Variants in SETDB2 observed in about 807,000 individuals in gnomAD.
The protein encoded by SETDB2 is histone-lysine N-methyltransferase SETDB2.
In SETDB2, 56 loss-of-function variants were observed where a neutral mutation model predicts 82.5. The ratio of observed to expected loss-of-function variants is 0.68; its 90% CI spans 0.55 to 0.85. The LOEUF is 0.85. Ranked by LOEUF, SETDB2 falls within the 40% of genes least tolerant of loss-of-function variation. The pLI is 0.00. For missense variants in SETDB2, 677 were observed against 816.4 expected (o/e 0.83, Z 2.08); for synonymous variants, 272 against 284.9 (o/e 0.95, Z 0.46).
At chr13:49,455,994 A>T (rs1364923244) in intron 2 of SETDB2, among the ~76,000 whole-genome samples, 2 of 152,136 alleles carry the variant, frequency 1.3e-5, no homozygotes, top group African/African-American at 4.8e-5. Flanking sequence ...AACTTGATTC[A>T]TGCTAAGTCA....
intron 5 of SETDB2, among the ~76,000 whole-genome samples, chr13:49,474,101 A>G (rs1566167495): frequency 6.6e-6 from 1 of 152,194 alleles, no homozygotes; most frequent in Non-Finnish European, 1.5e-5. Context: ...GTCTGTACTA[A>G]AAATACAAAA....
At chr13:49,450,926 C>T (rs1210692523) in intron 1 of SETDB2, among the ~76,000 whole-genome samples, 3 of 149,802 alleles carry the variant, frequency 2.0e-5, no homozygotes, top group East Asian at 1.9e-4. Flanking sequence ...ATCTAAATAT[C>T]GAATATAGAG....
chr13:49,469,421 T>C (rs986862321), intron 5 of SETDB2, among the ~76,000 whole-genome samples: 5 of 152,234 alleles, frequency 3.3e-5, no homozygotes, highest in Admixed American at 1.3e-4. Context: ...TTCAGACTTA[T>C]TGAAAACGTT....
intron 8 of SETDB2, 60 bp downstream of exon 8, chr13:49,481,176 AT>A: frequency 6.6e-7 from 1 of 1,522,814 alleles, no homozygotes; most frequent in Non-Finnish European, 9.0e-7. Flanking sequence ...CTAAATATCC[AT>A]TTTCCTAGCC....
chr13:49,477,147 A>G lies in SETDB2; in HGVS notation c.869+108A>G. On this transcript the variant is annotated intron_variant, in intron 6 of 13. Coordinates refer to ENST00000611815, the MANE Select transcript of SETDB2 (RefSeq NM_001160308.3). ...TCTATCTAAAACCTGTTCAAGAGTT[A>G]CAGTAAGACTGGGCGTGGTGGCCCA... The G allele has an allele frequency of 4.7e-6, 5 of 1,068,060 alleles. No homozygotes were observed. In the South Asian group the frequency reaches 5.3e-5, roughly 11 times the overall value. The allele number at this position is 1,068,060 out of a possible 1,614,324, so 66.2% of individuals were successfully genotyped here.
intron 2 of SETDB2, among the ~76,000 whole-genome samples, chr13:49,455,485 C>A (rs997355945): frequency 6.6e-6 from 1 of 152,080 alleles, no homozygotes; most frequent in African/African-American, 2.4e-5. Context: ...TGCAGATCTT[C>A]CAAATGTTGA....
chr13:49,481,130 T>C lies in SETDB2; in HGVS notation c.1156+14T>C. ...GCATTTATTCAGGTAAAGCAAAAGT[T>C]TATTTTCAAATTATTCTAGAGTAGA... On this transcript the variant is annotated intron_variant, in intron 8 of 13. Coordinates refer to ENST00000611815, the MANE Select transcript of SETDB2 (RefSeq NM_001160308.3). 6.2e-7 allele frequency: 1 copy of C among 1,606,052 alleles called. No individual in the cohort carries two copies. The highest frequency in any genetic ancestry group is 1.1e-5 in the South Asian group (1 of 90,092).
At chr13:49,477,252 A>G (rs1337626284) in intron 6 of SETDB2, among the ~76,000 whole-genome samples, 1 of 152,196 alleles carries the variant, frequency 6.6e-6, no homozygotes, top group African/African-American at 2.4e-5. Context: ...CCTGGGCAAC[A>G]TGGCAAAACC....
chr13:49,471,928 A>AT (rs1413037996), intron 5 of SETDB2, among the ~76,000 whole-genome samples: 836 of 68,178 alleles, frequency 0.012, 9 homozygotes, highest in African/African-American at 0.048. Context: ...ATATATATAT[A>AT]TATATATTTT....
chr13:49,467,961 G>A lies in SETDB2; in HGVS notation c.305+1G>A. On this transcript the variant is annotated splice_donor_variant, in intron 5 of 13. Coordinates refer to ENST00000611815, the MANE Select transcript of SETDB2 (RefSeq NM_001160308.3). LOFTEE classifies it high-confidence loss of function. ...CCTTTCCAGAAGACTGTACATTTCT[G>A]TATGTATATAAATTCTTTGTTATTA... 6.4e-7 allele frequency: 1 copy of A among 1,574,536 alleles called. No homozygotes were observed. Among genetic ancestry groups the A allele is most frequent in the Non-Finnish European group, 8.6e-7 (1 of 1,156,594 alleles).
intron 5 of SETDB2, among the ~76,000 whole-genome samples, chr13:49,472,251 CAGTATA>C (rs1958265017): frequency 6.6e-6 from 1 of 152,068 alleles, no homozygotes; most frequent in Non-Finnish European, 1.5e-5. Flanking sequence ...TAGATGAATA[CAGTATA>C]CATTCTTGTT....
chr13:49,461,924 A>G (rs534464492), intron 4 of SETDB2, among the ~76,000 whole-genome samples: 28 of 152,354 alleles, frequency 1.8e-4, no homozygotes, highest in African/African-American at 6.5e-4. Flanking sequence ...TAGAACTCAC[A>G]GAAGTATTTA....
At chr13:49,465,034 C>T (rs956907627) in intron 4 of SETDB2, among the ~76,000 whole-genome samples, 4 of 151,794 alleles carry the variant, frequency 2.6e-5, no homozygotes, top group Non-Finnish European at 4.4e-5. Flanking sequence ...CTACTGTACT[C>T]CAACCTTCCA....
intron 4 of SETDB2, among the ~76,000 whole-genome samples, chr13:49,463,249 A>G (rs935032141): frequency 6.6e-6 from 1 of 151,980 alleles, no homozygotes; most frequent in Non-Finnish European, 1.5e-5. Context: ...GAGCTCAGGC[A>G]AACTGCCTGC....
intron 6 of SETDB2, among the ~76,000 whole-genome samples, chr13:49,478,119 C>T (rs1358847068): frequency 2.6e-5 from 4 of 152,186 alleles, no homozygotes; most frequent in Admixed American, 1.3e-4. Flanking sequence ...TCACCATCCT[C>T]TAAGTTAATT....
In SETDB2 at chr13:49,473,727, TA is replaced by T. The variant is rs202218351; in HGVS notation, c.306-2747del. Among the ~76,000 whole-genome samples the T allele has an allele frequency of 7.1e-3, 1,084 of 152,092 alleles. 9 individuals are homozygous for T. The highest frequency in any genetic ancestry group is 0.02 in the Middle Eastern group (6 of 294). On this transcript the variant is annotated intron_variant, in intron 5 of 13. Transcript: ENST00000611815. ...AGTGTATAAGTAACTTGAGAGTGAG[TA>T]ACCTATATCAAAACAAAGAACAAGG...
In SETDB2 at chr13:49,482,848, C is replaced by G. The variant is rs373805996; in HGVS notation, c.1268C>G (p.Ala423Gly). 7 of 1,612,336 alleles carry G rather than the reference C, an allele frequency of 4.3e-6. No homozygotes were observed. The highest frequency in any genetic ancestry group is 1.7e-5 in the Admixed American group (1 of 59,970). The change falls in exon 9 of 14, where the codon GCA (alanine) becomes GGA (glycine). Residue 423 changes from alanine to glycine, a missense_variant. Ala to Gly is a moderately conservative substitution (Grantham distance 60). Coordinates refer to ENST00000611815, the MANE Select transcript of SETDB2 (RefSeq NM_001160308.3). ...TCAAAAAAGAGGAAATTAGAAGTTGCATGTTCAGATTGTGAAGTTGAAGTT... is the reference window on the plus strand; with the variant it reads ...TCAAAAAAGAGGAAATTAGAAGTTGGATGTTCAGATTGTGAAGTTGAAGTT... ...IFSKKRKLEV[A>G]CSDCEVEVLP...
At chr13:49,470,799 C>T (rs1257347290) in intron 5 of SETDB2, among the ~76,000 whole-genome samples, 2 of 152,106 alleles carry the variant, frequency 1.3e-5, no homozygotes, top group Non-Finnish European at 2.9e-5. Context: ...AAGCCATGAT[C>T]GCGCCTCCGC....
In SETDB2 at chr13:49,491,973, T is replaced by C. The variant is rs892800674; in HGVS notation, c.*124T>C. 1 of 748,154 alleles carries C rather than the reference T, an allele frequency of 1.3e-6. No individual in the cohort carries two copies. Among genetic ancestry groups the C allele is most frequent in the African/African-American group, 1.7e-5 (1 of 57,576 alleles). 46.3% of individuals were successfully genotyped at this position (748,154 alleles called of 1,614,324 possible). A position where few individuals can be genotyped will look rare whatever the true frequency, so the allele number is the denominator to read the frequency against. On this transcript the variant is annotated 3_prime_UTR_variant, in exon 14 of 14. Coordinates refer to ENST00000611815, the MANE Select transcript of SETDB2 (RefSeq NM_001160308.3). ...TTCCTTTGTCATGGGGTTTATGTTTTATTTCAGATTTTATTTGTGTGACTT... is the reference window on the plus strand; with the variant it reads ...TTCCTTTGTCATGGGGTTTATGTTTCATTTCAGATTTTATTTGTGTGACTT...
Sources: allele counts gnomAD v4.1 joint callset (sites outside exome capture counted in the v4.1 genomes callset), GRCh38; gene constraint gnomAD v4.1.1; transcripts MANE v1.5; gene names NCBI Gene and HGNC (gene_info 2026-07-23, HGNC 2026-07-21).